Variants in ANKRD30A observed in about 807,000 individuals in gnomAD.
ANKRD30A encodes ankyrin repeat domain 30A, also known as ankyrin repeat domain-containing protein 30A.
Under a neutral mutation model 166.3 loss-of-function variants are expected in ANKRD30A, and 170 were observed. That is an observed-to-expected ratio of 1.02 (90% CI 0.90 to 1.16). The LOEUF (loss-of-function observed/expected upper bound fraction) is 1.16, where lower values mean the gene tolerates loss of function less well. Ranked by LOEUF, ANKRD30A falls within the 50% of genes most tolerant of loss-of-function variation. ANKRD30A has a pLI of 0.00. For synonymous variants in ANKRD30A, 564 were observed against 508.9 expected (o/e 1.11, Z -1.46); for missense variants, 1,630 against 1,518.0 (o/e 1.07, Z -1.23).
intron 34 of ANKRD30A, 103 bp downstream of exon 34, chr10:37,220,000 T>C (rs1357282362): frequency 1.8e-5 from 1 of 56,224 alleles, no homozygotes; most frequent in East Asian, 9.1e-4. Flanking sequence ...TATATATATA[T>C]ATATATATAT....
At chr10:37,258,962 CAAAAA>C in the ANKRD30A span, among the ~76,000 whole-genome samples, 1 of 45,558 alleles carries the variant, frequency 2.2e-5, no homozygotes, top group African/African-American at 8.2e-5. Context: ...GACTCCATCT[CAAAAA>C]AAAAAAAAAA....
chr10:37,221,645 A>G (rs1842903988), intron 34 of ANKRD30A, among the ~76,000 whole-genome samples: 1 of 151,256 alleles, frequency 6.6e-6, no homozygotes, highest in Non-Finnish European at 1.5e-5. Flanking sequence ...TGTGGCTGTC[A>G]TTCTGTAATG....
intron 13 of ANKRD30A, among the ~76,000 whole-genome samples, chr10:37,157,112 T>G (rs539829104): frequency 6.6e-6 from 1 of 152,330 alleles, no homozygotes; most frequent in East Asian, 1.9e-4. Context: ...TTAATATTAT[T>G]TGAAGACATG....
In ANKRD30A at chr10:37,229,877, A is replaced by G. The variant is rs1213666747; in HGVS notation, c.4186-1584A>G. Among the ~76,000 whole-genome samples the G allele has an allele frequency of 3.3e-5, 5 of 151,942 alleles. No individual in the cohort carries two copies. In the East Asian group the frequency reaches 9.7e-4, roughly 29 times the overall value. On this transcript the variant is annotated intron_variant, in intron 34 of 35. Coordinates refer to ENST00000361713, the MANE Select transcript of ANKRD30A (RefSeq NM_052997.3). Reference sequence around the variant, plus strand: ...TGAGATATTTTAATACAGGCATCAGATGCATAATAATCACATTAGGGTAAA... The same window carrying G: ...TGAGATATTTTAATACAGGCATCAGGTGCATAATAATCACATTAGGGTAAA...
rs778197641 is a variant in ANKRD30A, at chr10:37,141,878, G to A, written c.981G>A (p.Glu327=). The A allele has an allele frequency of 3.1e-6, 5 of 1,614,138 alleles. No homozygotes were observed. The South Asian group carries it at 5.5e-5, about 18-fold the overall frequency. Residue 327 remains glutamate (E), a synonymous_variant, in exon 7 of 36, where the codon GAG becomes GAA. Coordinates refer to ENST00000361713, the MANE Select transcript of ANKRD30A (RefSeq NM_052997.3). ...AESLVEKTPD[E]AASLVEGTSD... ...GCTTGGTGGAAAAAACACCTGATGA[G>A]GCTGCATCCTTGGTGGAGGGAACAT...
At chr10:37,206,991 T>C (rs1842031187) in intron 31 of ANKRD30A, among the ~76,000 whole-genome samples, 2 of 152,130 alleles carry the variant, frequency 1.3e-5, no homozygotes, top group African/African-American at 2.4e-5. Context: ...TGAATACATA[T>C]TTCAATATTG....
At chr10:37,247,856 TG>T in the ANKRD30A span, among the ~76,000 whole-genome samples, 2 of 139,352 alleles carry the variant, frequency 1.4e-5, no homozygotes, top group Non-Finnish European at 3.0e-5. Flanking sequence ...TACTCCAGCC[TG>T]GGCGACAGAG....
intron 8 of ANKRD30A, among the ~76,000 whole-genome samples, chr10:37,145,594 A>T (rs78913276): frequency 1.6e-3 from 201 of 123,774 alleles, no homozygotes; most frequent in East Asian, 3.3e-3. Context: ...ACACTTGTGT[A>T]GTACAGTGTA....
At chr10:37,151,766 A>G (rs1837954755) in intron 11 of ANKRD30A, among the ~76,000 whole-genome samples, 1 of 152,138 alleles carries the variant, frequency 6.6e-6, no homozygotes, top group South Asian at 2.1e-4. Flanking sequence ...AATATAGGAC[A>G]TACTGTGTTT....
intron 13 of ANKRD30A, among the ~76,000 whole-genome samples, chr10:37,157,651 G>A (rs933706046): frequency 7.2e-5 from 11 of 152,164 alleles, no homozygotes; most frequent in South Asian, 2.1e-4. Flanking sequence ...GGAATTACAG[G>A]CATGAGCCAC....
At chr10:37,141,579 A>C (rs1244453088) in intron 6 of ANKRD30A, 139 bp from the exon 7 acceptor site, 3 of 1,257,130 alleles carry the variant, frequency 2.4e-6, no homozygotes, top group African/African-American at 3.0e-5. Flanking sequence ...TCTCAAAAAA[A>C]AAAAAAAAAA....
At position 37,151,571 on chromosome 10, in the gene ANKRD30A, A is replaced by T. The variant is rs1588798894; in HGVS notation, c.1646-489A>T. Among the ~76,000 whole-genome samples, 5 of 152,128 alleles carry T rather than the reference A, an allele frequency of 3.3e-5. No homozygotes were observed. The East Asian group carries it at 9.6e-4, about 29-fold the overall frequency. On this transcript the variant is annotated intron_variant, in intron 11 of 35. Coordinates refer to ENST00000361713, the MANE Select transcript of ANKRD30A (RefSeq NM_052997.3). ...GAATATTGAAATGTAAAAGGATTGGACATATAGTTGACTAACATCAAAAAG... is the reference window on the plus strand; with the variant it reads ...GAATATTGAAATGTAAAAGGATTGGTCATATAGTTGACTAACATCAAAAAG...
intron 25 of ANKRD30A, among the ~76,000 whole-genome samples, chr10:37,189,855 A>G (rs1367395336): frequency 2.6e-5 from 4 of 151,466 alleles, no homozygotes; most frequent in Admixed American, 1.3e-4. Flanking sequence ...AGAAAGACAG[A>G]GCGTACAGAG....
In ANKRD30A at chr10:37,147,431, T is replaced by C. The variant is rs1189053469; in HGVS notation, c.1517T>C (p.Val506Ala). The C allele has an allele frequency of 2.5e-6, 4 of 1,591,454 alleles. No individual in the cohort carries two copies. The highest frequency in any genetic ancestry group is 1.4e-5 in the African/African-American group (1 of 73,758). ...ATACCTGAGTCTATATATCAAAAAGTAATGGAGATAAATAGAGAAGTAGAA... is the reference window on the plus strand; with the variant it reads ...ATACCTGAGTCTATATATCAAAAAGCAATGGAGATAAATAGAGAAGTAGAA... ...VCIPESIYQK[V>A]MEINREVEEP... The change falls in exon 9 of 36, where the codon GTA becomes GCA. Residue 506 changes from valine (V) to alanine (A), a missense_variant. Coordinates refer to ENST00000361713, the MANE Select transcript of ANKRD30A (RefSeq NM_052997.3).
chr10:37,203,950 C>G (rs947094483), intron 31 of ANKRD30A, among the ~76,000 whole-genome samples: 3 of 152,110 alleles, frequency 2.0e-5, no homozygotes, highest in Non-Finnish European at 4.4e-5. Context: ...AGGACCTCTT[C>G]AAGGAGAACT....
intron 3 of ANKRD30A, among the ~76,000 whole-genome samples, chr10:37,131,875 CTA>C (rs1193921916): frequency 1.3e-5 from 2 of 152,106 alleles, no homozygotes; most frequent in African/African-American, 4.8e-5. Flanking sequence ...TTAAGAAACA[CTA>C]AATTAGAATA....
chr10:37,131,494 C>T (rs1410597351), intron 3 of ANKRD30A, among the ~76,000 whole-genome samples: 1 of 152,146 alleles, frequency 6.6e-6, no homozygotes, highest in Non-Finnish European at 1.5e-5. Context: ...AATCAAAGTT[C>T]ACTTGAAGCC....
intron 7 of ANKRD30A, among the ~76,000 whole-genome samples, chr10:37,144,703 T>C (rs1163686210): frequency 6.6e-6 from 1 of 152,176 alleles, no homozygotes; most frequent in Non-Finnish European, 1.5e-5. Flanking sequence ...TCTGACATAG[T>C]ATGCTTCACG....
intron 27 of ANKRD30A, among the ~76,000 whole-genome samples, chr10:37,196,095 T>TTATTTA (rs893372160): frequency 1.9e-4 from 26 of 137,662 alleles, no homozygotes; most frequent in Non-Finnish European, 1.1e-4. Context: ...TATTTTCTAT[T>TTATTTA]TTTTTTTTTT....
Sources: gnomAD v4.1 joint callset for allele counts (sites outside exome capture counted in the v4.1 genomes callset) on GRCh38, gnomAD v4.1.1 for gene constraint, MANE v1.5 for transcripts, NCBI Gene and HGNC (gene_info 2026-07-23, HGNC 2026-07-21) for gene names.